Variants in TMC2 observed in about 807,000 individuals in gnomAD.
TMC2 encodes the protein transmembrane channel like 2, also known as transmembrane channel-like protein 2.
TMC2 carries 102 observed loss-of-function variants against 105.9 expected under a neutral mutation model. The observed-to-expected ratio is 0.96, with a 90% CI of 0.82 to 1.14. TMC2 has a LOEUF of 1.14. Ranked by LOEUF, TMC2 falls within the 50% of genes most tolerant of loss-of-function variation. The pLI is 0.00. For synonymous variants in TMC2, 402 were observed against 422.8 expected (o/e 0.95, Z 0.60); for missense variants, 1,093 against 1,134.3 (o/e 0.96, Z 0.52).
At chr20:2,549,937 C>T (rs1418037436) in intron 2 of TMC2, among the ~76,000 whole-genome samples, 1 of 152,026 alleles carries the variant, frequency 6.6e-6, no homozygotes, top group Non-Finnish European at 1.5e-5. Flanking sequence ...AATTCCAACA[C>T]TTTGGGAGGA....
At chr20:2,585,109 T>G (rs985466453) in intron 7 of TMC2, among the ~76,000 whole-genome samples, 3 of 152,238 alleles carry the variant, frequency 2.0e-5, no homozygotes, top group African/African-American at 4.8e-5. Flanking sequence ...TTTCAGTTGG[T>G]ACAATGTCTT....
At chr20:2,599,326 A>C (rs976158242) in intron 10 of TMC2, among the ~76,000 whole-genome samples, 66 of 150,718 alleles carry the variant, frequency 4.4e-4, no homozygotes, top group African/African-American at 1.5e-3. Flanking sequence ...GATGAAATCA[A>C]CCCTATGTTT....
chr20:2,596,717 ATGTGTGTGTGTGTG>A (rs35925886), intron 9 of TMC2, among the ~76,000 whole-genome samples: 1 of 146,126 alleles, frequency 6.8e-6, no homozygotes, highest in Non-Finnish European at 1.5e-5. Context: ...AAAAATATAT[ATGTGTGTGTGTGTG>A]TGTGTGTGTG....
intron 2 of TMC2, among the ~76,000 whole-genome samples, chr20:2,545,841 GAAAGAAAGAAAGAGAA>G (rs1385164727): frequency 8.1e-6 from 1 of 123,760 alleles, no homozygotes; most frequent in African/African-American, 3.1e-5. Context: ...AAGAAAGAAA[GAAAGAAAGAAAGAGAA>G]AGAAAGAAAA....
At chr20:2,627,259 T>C (rs547111318) in intron 17 of TMC2, among the ~76,000 whole-genome samples, 2 of 152,288 alleles carry the variant, frequency 1.3e-5, no homozygotes, top group African/African-American at 2.4e-5. Flanking sequence ...AAACCCATTC[T>C]CTCTTTTCCC....
chr20:2,568,354 CA>C (rs1262935840), intron 4 of TMC2, among the ~76,000 whole-genome samples: 2 of 152,018 alleles, frequency 1.3e-5, no homozygotes, highest in African/African-American at 2.4e-5. Flanking sequence ...TCACAGAGTT[CA>C]AAAAAAGTTT....
chr20:2,572,057 A>G (rs2086107210), intron 4 of TMC2, 122 bp from the exon 5 acceptor site: 1 of 748,146 alleles, frequency 1.3e-6, no homozygotes, highest in Non-Finnish European at 2.2e-6. Flanking sequence ...CATGGAATTT[A>G]TATTTTAACC....
intron 2 of TMC2, among the ~76,000 whole-genome samples, chr20:2,555,003 G>A (rs2085977310): frequency 6.6e-6 from 1 of 152,176 alleles, no homozygotes; most frequent in Admixed American, 6.5e-5. Flanking sequence ...TGCTGGCTCT[G>A]TCAGTGGTTG....
chr20:2,623,947 T>A (rs1013458717), intron 16 of TMC2, among the ~76,000 whole-genome samples: 1 of 152,072 alleles, frequency 6.6e-6, no homozygotes, highest in African/African-American at 2.4e-5. Context: ...AGACAATTTC[T>A]CCAGTTAGAA....
In TMC2 at chr20:2,592,429, A is replaced by G; in HGVS notation, c.933+21A>G. The G allele has an allele frequency of 6.8e-7, 1 of 1,471,100 alleles. No individual in the cohort carries two copies. The highest frequency in any genetic ancestry group is 1.1e-5 in the South Asian group (1 of 88,062). 91.1% of individuals were successfully genotyped at this position (1,471,100 alleles called of 1,614,324 possible). A position where few individuals can be genotyped will look rare whatever the true frequency, so the allele number is the denominator to read the frequency against. On this transcript the variant is annotated intron_variant, in intron 8 of 19. Coordinates refer to ENST00000358864, the MANE Select transcript of TMC2 (RefSeq NM_080751.3). The surrounding 1 kb of genome is among the most constrained non-coding windows in gnomAD (Gnocchi z 4.9). Reference sequence around the variant, plus strand: ...TTGAGGTACTATTGTCAACATGCCAATGAACTTCCATTTGTGATTATAAAG... The same window carrying G: ...TTGAGGTACTATTGTCAACATGCCAGTGAACTTCCATTTGTGATTATAAAG...
chr20:2,582,291 CT>C (rs1267075156), intron 7 of TMC2, among the ~76,000 whole-genome samples: 10 of 152,134 alleles, frequency 6.6e-5, no homozygotes, highest in African/African-American at 2.4e-4. Flanking sequence ...CATTGCACAT[CT>C]AAAGGAAGTG....
chr20:2,555,443 C>A (rs1045763505), intron 2 of TMC2, among the ~76,000 whole-genome samples: 6 of 152,118 alleles, frequency 3.9e-5, no homozygotes, highest in African/African-American at 9.7e-5. Context: ...GAAATTAATA[C>A]AATTGCTCAA....
intron 16 of TMC2, 23 bp from the exon 17 acceptor site, chr20:2,624,248 A>G: frequency 6.2e-7 from 1 of 1,611,934 alleles, no homozygotes; most frequent in Non-Finnish European, 8.5e-7. Flanking sequence ...AGCATGTTAT[A>G]TTGTGTCCTC....
chr20:2,564,215 A>G (rs187263046), intron 4 of TMC2, among the ~76,000 whole-genome samples: 5 of 144,730 alleles, frequency 3.5e-5, no homozygotes, highest in Non-Finnish European at 6.0e-5. Context: ...CAGTGGCACA[A>G]TCTCGGCTCA....
chr20:2,543,304 C>T (rs1203357631), intron 2 of TMC2, among the ~76,000 whole-genome samples: 1 of 152,174 alleles, frequency 6.6e-6, no homozygotes, highest in East Asian at 1.9e-4. Flanking sequence ...CTCCCTAACA[C>T]CCCACAACCT....
At chr20:2,546,181 A>G (rs1481231169) in intron 2 of TMC2, among the ~76,000 whole-genome samples, 1 of 152,156 alleles carries the variant, frequency 6.6e-6, no homozygotes, top group East Asian at 1.9e-4. Flanking sequence ...TTGCCATCTA[A>G]AAAGTCATCC....
intron 7 of TMC2, among the ~76,000 whole-genome samples, chr20:2,581,633 T>G (rs1290381055): frequency 6.6e-6 from 1 of 152,230 alleles, no homozygotes; most frequent in Non-Finnish European, 1.5e-5. Context: ...GCTCTTGGCT[T>G]TCTTCTTGGA....
In TMC2 at chr20:2,616,101, T is replaced by TC. The variant is rs771722895; in HGVS notation, c.1873-36_1873-35insC. The TC allele has an allele frequency of 9.3e-5, 137 of 1,475,124 alleles. No homozygotes were observed. In the Middle Eastern group the frequency reaches 1.2e-3, roughly 13 times the overall value. 91.4% of individuals were successfully genotyped at this position (1,475,124 alleles called of 1,614,324 possible). On this transcript the variant is annotated intron_variant, in intron 14 of 19. Transcript: ENST00000358864. The surrounding 1 kb of genome is among the most constrained non-coding windows in gnomAD (Gnocchi z 4.8). ...GAATTCACCAAACGTGCTTTTTTTT[T>TC]TCTCTCTCTCTCTCGCTCCCTCCCT...
rs533107907 is a variant in TMC2, at chr20:2,616,101, T to C, written c.1873-36T>C. On this transcript the variant is annotated intron_variant, in intron 14 of 19. Coordinates refer to ENST00000358864, the MANE Select transcript of TMC2 (RefSeq NM_080751.3). This position sits in a 1 kb window ranked among gnomAD's most constrained non-coding sequence, Gnocchi z 4.8. ...GAATTCACCAAACGTGCTTTTTTTTTTCTCTCTCTCTCTCGCTCCCTCCCT... is the reference window on the plus strand; with the variant it reads ...GAATTCACCAAACGTGCTTTTTTTTCTCTCTCTCTCTCTCGCTCCCTCCCT... 8.5e-5 allele frequency: 126 copies of C among 1,475,140 alleles called. No individual in the cohort carries two copies. The highest frequency in any genetic ancestry group is 1.8e-4 in the Middle Eastern group (1 of 5,684). The allele number at this position is 1,475,140 out of a possible 1,614,324, so 91.4% of individuals were successfully genotyped here.
Sources: gnomAD v4.1 joint callset for allele counts (sites outside exome capture counted in the v4.1 genomes callset) on GRCh38, gnomAD v4.1.1 for gene constraint, Gnocchi (gnomAD v3.1) non-coding constraint, MANE v1.5 for transcripts, NCBI Gene and HGNC (gene_info 2026-07-23, HGNC 2026-07-21) for gene names.